PON3: variants seen among roughly 807,000 people sequenced by gnomAD.
PON3 encodes serum paraoxonase/lactonase 3.
Under a neutral mutation model 36.3 loss-of-function variants are expected in PON3, and 37 were observed. The observed-to-expected ratio is 1.02, with a 90% CI of 0.78 to 1.34. The LOEUF is 1.34. Ranked by LOEUF, PON3 falls within the 40% of genes most tolerant of loss-of-function variation. The probability of loss-of-function intolerance (pLI) is 0.00; values close to 1 mark genes in which losing one functional copy is unlikely to be tolerated. For synonymous variants in PON3, 155 were observed against 154.8 expected, an observed-to-expected ratio of 1.00 and a Z score of -0.01; for missense variants, 415 against 426.5, an observed-to-expected ratio of 0.97 and a Z score of 0.24.
At chr7:95,373,167 T>G (rs1808846400) in intron 3 of PON3, among the ~76,000 whole-genome samples, 1 of 152,138 alleles carries the variant, frequency 6.6e-6, no homozygotes, top group African/African-American at 2.4e-5. Context: ...ATCAATAACT[T>G]TATATCTTCT....
intron 5 of PON3, among the ~76,000 whole-genome samples, chr7:95,367,118 T>C (rs2116382372): frequency 6.6e-6 from 1 of 152,328 alleles, no homozygotes; most frequent in African/African-American, 2.4e-5. Context: ...GGAATTTAAT[T>C]GAGCACCTTT....
chr7:95,390,117 T>C, intron 3 of PON3, 37 bp downstream of exon 3: 1 of 1,557,332 alleles, frequency 6.4e-7, no homozygotes, highest in South Asian at 1.1e-5. Flanking sequence ...TATACAGCTA[T>C]TGATGTGAGC....
At chr7:95,364,931 A>T (rs574553535) in intron 5 of PON3, 2 of 152,336 alleles carry the variant, frequency 1.3e-5, no homozygotes, top group Admixed American at 1.3e-4. Flanking sequence ...TTGAAAAAAT[A>T]ATGCTTAAAC....
intron 2 of PON3, among the ~76,000 whole-genome samples, chr7:95,394,181 G>A (rs866568961): frequency 6.6e-6 from 1 of 152,112 alleles, no homozygotes; most frequent in Non-Finnish European, 1.5e-5. Context: ...ACAGGTGTGA[G>A]CCACTGCGCC....
At chr7:95,377,732 C>T in intron 3 of PON3, 1 of 196,858 alleles carries the variant, frequency 5.1e-6, no homozygotes, top group South Asian at 5.6e-5. Flanking sequence ...ATAGCATCAA[C>T]ATCAACAAAG....
At chr7:95,392,431 T>C (rs950816867) in intron 2 of PON3, among the ~76,000 whole-genome samples, 1 of 152,186 alleles carries the variant, frequency 6.6e-6, no homozygotes, top group Non-Finnish European at 1.5e-5. Context: ...CTACCAATCA[T>C]CTAGTCTAAT....
chr7:95,395,535 T>C (rs916760828), intron 1 of PON3, among the ~76,000 whole-genome samples: 10 of 152,148 alleles, frequency 6.6e-5, no homozygotes, highest in Non-Finnish European at 1.5e-4. Flanking sequence ...CCTCAACAGA[T>C]TCTAGACGTG....
At chr7:95,371,397 T>C (rs1808805753) in intron 4 of PON3, among the ~76,000 whole-genome samples, 1 of 152,196 alleles carries the variant, frequency 6.6e-6, no homozygotes, top group Non-Finnish European at 1.5e-5. Context: ...GGTTACATTA[T>C]TTCACAATCC....
chr7:95,367,441 T>A lies in PON3; in HGVS notation c.415A>T (p.Thr139Ser), dbSNP rs776075881. 1.2e-6 allele frequency: 2 copies of A among 1,611,638 alleles called. No homozygotes were observed. The highest frequency in any genetic ancestry group is 2.2e-5 in the East Asian group (1 of 44,858). The change falls in exon 5 of 9, where the codon ACT becomes TCT. Residue 139 changes from threonine to serine, a missense_variant. Physicochemically the swap from Thr to Ser is moderately conservative, Grantham distance 58. Transcript: ENST00000265627. ...TCCTCAAATTTAAATATCTCCACAG[T>A]GGACTTCATGTGGGGATGATTCACA... Reference protein sequence around the residue: ...YVVNHPHMKSTVEIFKFEEQQ... With the variant: ...YVVNHPHMKSSVEIFKFEEQQ...
intron 8 of PON3, among the ~76,000 whole-genome samples, 187 bp downstream of exon 8, chr7:95,362,175 G>T (rs1808584335): frequency 6.6e-6 from 1 of 152,178 alleles, no homozygotes; most frequent in Non-Finnish European, 1.5e-5. Flanking sequence ...TTATTGAAAA[G>T]TTAATGGTGG....
intron 3 of PON3, among the ~76,000 whole-genome samples, chr7:95,374,158 TG>T (rs1808867585): frequency 6.6e-6 from 1 of 152,216 alleles, no homozygotes; most frequent in Non-Finnish European, 1.5e-5. Flanking sequence ...CCCAAAATGC[TG>T]GGACCACTGT....
intron 4 of PON3, among the ~76,000 whole-genome samples, chr7:95,370,260 G>A (rs1371037158): frequency 2.0e-5 from 3 of 152,162 alleles, no homozygotes; most frequent in East Asian, 1.9e-4. Flanking sequence ...GAGAAGGAAG[G>A]TACAGTTGGG....
At chr7:95,394,494 A>C in intron 2 of PON3, 150 bp downstream of exon 2, 1 of 702,270 alleles carries the variant, frequency 1.4e-6, no homozygotes, top group Non-Finnish European at 2.6e-6. Flanking sequence ...ACACCCCTGA[A>C]GACCTTGCAT....
intron 3 of PON3, among the ~76,000 whole-genome samples, chr7:95,387,557 CA>C (rs1809224192): frequency 6.6e-6 from 1 of 152,128 alleles, no homozygotes; most frequent in Non-Finnish European, 1.5e-5. Flanking sequence ...CCATACTGCC[CA>C]CGGTAATTTA....
intron 5 of PON3, chr7:95,364,859 ATTC>A (rs1490913726): frequency 9.2e-5 from 14 of 152,152 alleles, no homozygotes; most frequent in Admixed American, 4.6e-4. Context: ...AGCAAGTCTT[ATTC>A]TTACAATCCG....
Position 95,364,479 on chromosome 7 carries a change from A to C in PON3, c.495-416T>G, listed in dbSNP as rs921792934. ...CCATGTGACTTGCTTTGGCCAATGA[A>C]ATGAAATGAAATGAGGTGAGTGGCT... is the stretch of plus-strand genomic sequence containing the variant. On this transcript the variant is annotated intron_variant, in intron 5 of 8. Coordinates refer to ENST00000265627, the MANE Select transcript of PON3 (RefSeq NM_000940.3). 3.4e-5 allele frequency: 9 copies of C among 261,292 alleles called. No individual in the cohort carries two copies. In the East Asian group the frequency reaches 7.9e-4, roughly 23 times the overall value. 16.2% of individuals were successfully genotyped at this position (261,292 alleles called of 1,614,324 possible). A position where few individuals can be genotyped will look rare whatever the true frequency, so the allele number is the denominator to read the frequency against.
At position 95,367,423 on chromosome 7, in the gene PON3, A is replaced by G; in HGVS notation, c.433T>C (p.Phe145Leu). The change falls in exon 5 of 9, where the codon TTT becomes CTT. Residue 145 changes from phenylalanine (F) to leucine (L), a missense_variant. By Grantham distance (22) the Phe-to-Leu change is conservative (BLOSUM62 0). Transcript: ENST00000265627. ...ACCAGAGAACGTTGTTGTTCCTCAAATTTAAATATCTCCACAGTGGACTTC... is the reference window on the plus strand; with the variant it reads ...ACCAGAGAACGTTGTTGTTCCTCAAGTTTAAATATCTCCACAGTGGACTTC... ...HMKSTVEIFK[F>L]EEQQRSLVYL... The G allele has an allele frequency of 6.2e-7, 1 of 1,613,124 alleles. No homozygotes were observed. The highest frequency in any genetic ancestry group is 1.1e-5 in the South Asian group (1 of 91,068).
intron 3 of PON3, among the ~76,000 whole-genome samples, chr7:95,383,647 G>T (rs1183077533): frequency 6.6e-6 from 1 of 152,060 alleles, no homozygotes; most frequent in Non-Finnish European, 1.5e-5. Flanking sequence ...AACTTACAAG[G>T]GATGTGAAGG....
At chr7:95,388,118 C>G (rs1809239389) in intron 3 of PON3, among the ~76,000 whole-genome samples, 1 of 152,014 alleles carries the variant, frequency 6.6e-6, no homozygotes, top group South Asian at 2.1e-4. Flanking sequence ...AGAGCTTCTG[C>G]ACAGCAAAAG....
Sources: gnomAD v4.1 joint callset for allele counts (sites outside exome capture counted in the v4.1 genomes callset) on GRCh38, gnomAD v4.1.1 for gene constraint, MANE v1.5 for transcripts, NCBI Gene and HGNC (gene_info 2026-07-23, HGNC 2026-07-21) for gene names.